The following TSHZ3 variants were observed in gnomAD, a reference collection of about 807,000 sequenced individuals.
The protein encoded by TSHZ3 is teashirt zinc finger homeobox 3.
TSHZ3 carries 10 observed loss-of-function variants against 64.5 expected under a neutral mutation model. That is an observed-to-expected ratio of 0.16 (90% CI 0.10 to 0.26). The LOEUF (loss-of-function observed/expected upper bound fraction) is 0.26. Ranked by LOEUF, TSHZ3 falls within the 10% of genes least tolerant of loss-of-function variation. The probability of loss-of-function intolerance (pLI) is 1.00; values close to 1 mark genes in which losing one functional copy is unlikely to be tolerated. For missense variants in TSHZ3, 1,242 were observed against 1,421.7 expected, an observed-to-expected ratio of 0.87 and a Z score of 2.03; for synonymous variants, 608 against 593.1, an observed-to-expected ratio of 1.03 and a Z score of -0.36.
chr19:31,218,258 C>A (rs1206035044), intron 4 of TSHZ3, among the ~76,000 whole-genome samples: 1 of 147,162 alleles, frequency 6.8e-6, no homozygotes, highest in Non-Finnish European at 1.5e-5. Flanking sequence ...AGACACCTTA[C>A]CAAAGAAGAC....
At chr19:31,166,638 G>A (rs2145109597) in intron 5 of TSHZ3, among the ~76,000 whole-genome samples, 1 of 152,292 alleles carries the variant, frequency 6.6e-6, no homozygotes, top group South Asian at 2.1e-4. Flanking sequence ...GATCATATTA[G>A]GCTTTGGGTT....
chr19:31,213,356 C>CA (rs35192337), intron 4 of TSHZ3, among the ~76,000 whole-genome samples: 4,460 of 23,228 alleles, frequency 0.19, 1,844 homozygotes, highest in Non-Finnish European at 0.23. Flanking sequence ...GACTCTGTCT[C>CA]AAAAAAAAAA....
chr19:31,314,440 T>C (rs1186701775), intron 1 of TSHZ3, among the ~76,000 whole-genome samples: 2 of 152,212 alleles, frequency 1.3e-5, no homozygotes, highest in Non-Finnish European at 2.9e-5. Flanking sequence ...TCTGCACAAG[T>C]CCATCCCAGC....
chr19:31,225,551 G>A (rs954494787), intron 4 of TSHZ3, among the ~76,000 whole-genome samples: 5 of 152,128 alleles, frequency 3.3e-5, no homozygotes, highest in Non-Finnish European at 5.9e-5. Context: ...AGAAGCCATC[G>A]TATAGGAACA....
intron 5 of TSHZ3, among the ~76,000 whole-genome samples, chr19:31,183,681 G>T (rs1349005917): frequency 6.6e-6 from 1 of 152,122 alleles, no homozygotes; most frequent in East Asian, 1.9e-4. Flanking sequence ...GGCTCAACCT[G>T]TAAGGAGGGA....
chr19:31,298,541 C>A (rs1270935195), intron 1 of TSHZ3, among the ~76,000 whole-genome samples: 1 of 152,126 alleles, frequency 6.6e-6, no homozygotes, highest in Non-Finnish European at 1.5e-5. Flanking sequence ...AGCCCAGAAC[C>A]AATTGTGGAT....
chr19:31,285,394 C>T (rs1025694444), intron 1 of TSHZ3, among the ~76,000 whole-genome samples: 21 of 150,960 alleles, frequency 1.4e-4, no homozygotes, highest in African/African-American at 4.4e-4. Flanking sequence ...GCAGGAGCAT[C>T]GCTTCAGCCC....
At chr19:31,303,726 G>A (rs1212758596) in intron 1 of TSHZ3, among the ~76,000 whole-genome samples, 1 of 152,172 alleles carries the variant, frequency 6.6e-6, no homozygotes, top group Non-Finnish European at 1.5e-5. Flanking sequence ...GTGACAAAGG[G>A]CACTGGCAAA....
intron 4 of TSHZ3, among the ~76,000 whole-genome samples, chr19:31,223,365 C>T (rs866648916): frequency 8.4e-4 from 120 of 142,516 alleles, no homozygotes; most frequent in African/African-American, 2.9e-3. Flanking sequence ...GTTCTTATAA[C>T]GTGTGTGTGT....
intron 3 of TSHZ3, among the ~76,000 whole-genome samples, chr19:31,236,875 G>A (rs909343222): frequency 2.0e-5 from 3 of 152,154 alleles, no homozygotes; most frequent in Non-Finnish European, 2.9e-5. Flanking sequence ...CAGGCTGGGC[G>A]TGGTGGCTCA....
chr19:31,220,862 A>G (rs1009286276), intron 4 of TSHZ3, among the ~76,000 whole-genome samples: 1 of 152,166 alleles, frequency 6.6e-6, no homozygotes. Flanking sequence ...AGCAATATTT[A>G]TGACTCCAGG....
chr19:31,274,185 T>C (rs1025760326), downstream of TSHZ3, among the ~76,000 whole-genome samples: 2 of 151,988 alleles, frequency 1.3e-5, no homozygotes, highest in Non-Finnish European at 2.9e-5. Flanking sequence ...ATGTAATACA[T>C]CTCTCATTTG....
At chr19:31,241,913 C>T (rs1302325004) in intron 3 of TSHZ3, among the ~76,000 whole-genome samples, 1 of 152,188 alleles carries the variant, frequency 6.6e-6, no homozygotes, top group East Asian at 1.9e-4. Context: ...ATTCCGTAAA[C>T]CTGTGAGGTT....
intron 1 of TSHZ3, among the ~76,000 whole-genome samples, chr19:31,337,799 T>C (rs1443885938): frequency 2.0e-5 from 3 of 151,872 alleles, no homozygotes; most frequent in African/African-American, 7.3e-5. Flanking sequence ...TTCCATTTCT[T>C]TCCTGTTCAT....
At chr19:31,252,442 T>C (rs1975855536) in intron 1 of TSHZ3, among the ~76,000 whole-genome samples, 1 of 152,192 alleles carries the variant, frequency 6.6e-6, no homozygotes, top group African/African-American at 2.4e-5. Context: ...TCAGGTGATA[T>C]GGTTTGGCTC....
At chr19:31,293,880 C>T (rs12151018) in intron 1 of TSHZ3, among the ~76,000 whole-genome samples, 9,926 of 152,234 alleles carry the variant, frequency 0.065, 424 homozygotes, top group Non-Finnish European at 0.1. Context: ...GGCTAAGAAC[C>T]AACAAAGACC....
chr19:31,267,713 G>C (rs1976074057), intron 1 of TSHZ3, among the ~76,000 whole-genome samples: 1 of 152,146 alleles, frequency 6.6e-6, no homozygotes. Flanking sequence ...AGTCACACAG[G>C]GGTGAGGGTA....
At chr19:31,318,671 A>T (rs1916676109) in intron 1 of TSHZ3, among the ~76,000 whole-genome samples, 1 of 152,216 alleles carries the variant, frequency 6.6e-6, no homozygotes, top group African/African-American at 2.4e-5. Flanking sequence ...CACTTTCTAA[A>T]ATGTCTCCTA....
At chr19:31,231,584 T>C (rs1975540659) in intron 3 of TSHZ3, among the ~76,000 whole-genome samples, 1 of 152,246 alleles carries the variant, frequency 6.6e-6, no homozygotes, top group Admixed American at 6.5e-5. Context: ...GATTTATAAA[T>C]CTGCACTTCT....
Sources: allele counts gnomAD v4.1 joint callset (sites outside exome capture counted in the v4.1 genomes callset), GRCh38; gene constraint gnomAD v4.1.1; transcripts MANE v1.5; gene names NCBI Gene and HGNC (gene_info 2026-07-23, HGNC 2026-07-21).